The following FBXL7 variants were observed in gnomAD, a reference collection of about 807,000 sequenced individuals.
The protein encoded by FBXL7 is F-box and leucine rich repeat protein 7.
Under a neutral mutation model 38.3 loss-of-function variants are expected in FBXL7, and 12 were observed. The ratio of observed to expected loss-of-function variants is 0.31; its 90% CI spans 0.20 to 0.51. FBXL7 has a LOEUF of 0.51. FBXL7 is among the 20% of genes least tolerant of loss of function. The probability of loss-of-function intolerance (pLI) is 0.98; values close to 1 mark genes in which losing one functional copy is unlikely to be tolerated. For synonymous variants in FBXL7, 297 were observed against 300.9 expected (o/e 0.99, Z 0.13); for missense variants, 567 against 676.4 (o/e 0.84, Z 1.79).
At chr5:15,559,493 C>T (rs542568439) in intron 1 of FBXL7, among the ~76,000 whole-genome samples, 9 of 152,252 alleles carry the variant, frequency 5.9e-5, no homozygotes, top group Non-Finnish European at 1.0e-4. Context: ...GGAGAAATGG[C>T]ATCAGAGAAC....
At chr5:15,739,994 A>G (rs1053213364) in intron 2 of FBXL7, among the ~76,000 whole-genome samples, 1 of 152,158 alleles carries the variant, frequency 6.6e-6, no homozygotes, top group Admixed American at 6.5e-5. Flanking sequence ...GCTCAATTTT[A>G]TATTCCTTTC....
intron 2 of FBXL7, among the ~76,000 whole-genome samples, chr5:15,903,358 A>C (rs1397708015): frequency 2.0e-5 from 3 of 152,148 alleles, no homozygotes; most frequent in Admixed American, 2.0e-4. Flanking sequence ...ATTCTGGCAC[A>C]TTGTCTCCAG....
intron 1 of FBXL7, among the ~76,000 whole-genome samples, chr5:15,601,175 C>T (rs1258985296): frequency 6.6e-6 from 1 of 152,186 alleles, no homozygotes; most frequent in Non-Finnish European, 1.5e-5. Flanking sequence ...TTCTAAGGTG[C>T]TCCCAGATTG....
chr5:15,608,699 C>T (rs758769944), intron 1 of FBXL7, among the ~76,000 whole-genome samples: 2 of 152,180 alleles, frequency 1.3e-5, no homozygotes, highest in Non-Finnish European at 2.9e-5. Flanking sequence ...AGAAATTCTG[C>T]CACAATCCTG....
At chr5:15,883,706 A>AT (rs1222030899) in intron 2 of FBXL7, among the ~76,000 whole-genome samples, 1 of 152,082 alleles carries the variant, frequency 6.6e-6, no homozygotes, top group African/African-American at 2.4e-5. Context: ...TCTGGAGACA[A>AT]TTTTTTCAGT....
intron 2 of FBXL7, among the ~76,000 whole-genome samples, chr5:15,642,801 C>T (rs1398416027): frequency 6.6e-6 from 1 of 152,162 alleles, no homozygotes; most frequent in Non-Finnish European, 1.5e-5. Flanking sequence ...TCTCACATTC[C>T]TAGTCTCCTA....
At chr5:15,676,933 T>C (rs1221535487) in intron 2 of FBXL7, among the ~76,000 whole-genome samples, 1 of 152,238 alleles carries the variant, frequency 6.6e-6, no homozygotes, top group Middle Eastern at 3.2e-3. Flanking sequence ...CCTGCCATTT[T>C]ATATTCTTTG....
At chr5:15,767,930 T>C (rs760790626) in intron 2 of FBXL7, among the ~76,000 whole-genome samples, 11 of 152,242 alleles carry the variant, frequency 7.2e-5, no homozygotes, top group Non-Finnish European at 1.2e-4. Context: ...ACATTTTTAA[T>C]ACTTTTTGTT....
Position 15,506,497 on chromosome 5 carries a change from G to C in FBXL7, c.37+5784G>C, listed in dbSNP as rs75447392. 2.3e-3 allele frequency among the ~76,000 whole-genome samples: 353 copies of C among 152,270 alleles called. 2 individuals are homozygous for C. Among genetic ancestry groups the C allele is most frequent in the African/African-American group, 7.6e-3 (315 of 41,548 alleles). On this transcript the variant is annotated intron_variant, in intron 1 of 3. Coordinates refer to ENST00000504595, the MANE Select transcript of FBXL7 (RefSeq NM_012304.5). ...GAACAGTAAAACTATGGATAAGGGG[G>C]ACTTCTGTACAGTTTATGCTTGTCT... is the stretch of plus-strand genomic sequence containing the variant.
chr5:15,723,355 A>G (rs749147232), intron 2 of FBXL7, among the ~76,000 whole-genome samples: 14 of 152,344 alleles, frequency 9.2e-5, no homozygotes, highest in Non-Finnish European at 1.8e-4. Context: ...AGCTATAGAC[A>G]TGATATAATG....
chr5:15,731,327 C>T (rs1454172681), intron 2 of FBXL7, among the ~76,000 whole-genome samples: 1 of 152,156 alleles, frequency 6.6e-6, no homozygotes, highest in African/African-American at 2.4e-5. Context: ...GGGCATAAGT[C>T]ACATCTTACA....
chr5:15,887,784 TTG>T (rs779029530), intron 2 of FBXL7, among the ~76,000 whole-genome samples: 5 of 152,208 alleles, frequency 3.3e-5, no homozygotes, highest in Non-Finnish European at 5.9e-5. Context: ...CTCAAGAAGC[TTG>T]GCTGTGCATT....
At chr5:15,588,367 G>GCAAA (rs1386943742) in intron 1 of FBXL7, among the ~76,000 whole-genome samples, 1 of 151,700 alleles carries the variant, frequency 6.6e-6, no homozygotes, top group Non-Finnish European at 1.5e-5. Flanking sequence ...GTGGCACATG[G>GCAAA]CAAAAGCTAT....
Position 15,936,783 on chromosome 5 carries a change from C to T in FBXL7, c.1073C>T (p.Ala358Val). The T allele has an allele frequency of 6.2e-7, 1 of 1,611,736 alleles. No individual in the cohort carries two copies. The highest frequency in any genetic ancestry group is 8.5e-7 in the Non-Finnish European group (1 of 1,179,380). Reference protein sequence around the residue: ...LESRLRYLSIAHCGRVTDVGI... With the variant: ...LESRLRYLSIVHCGRVTDVGI... Reference sequence around the variant, plus strand: ...TCCCGCCTGCGGTACCTGAGCATCGCGCACTGCGGCCGGGTCACCGACGTG... The same window carrying T: ...TCCCGCCTGCGGTACCTGAGCATCGTGCACTGCGGCCGGGTCACCGACGTG... Residue 358 changes from alanine (A) to valine (V), a missense_variant, in exon 4 of 4, where the codon GCG becomes GTG. Ala to Val is a moderately conservative substitution (Grantham distance 64, BLOSUM62 0). Coordinates refer to ENST00000504595, the MANE Select transcript of FBXL7 (RefSeq NM_012304.5). The surrounding 1 kb of genome is among the most constrained non-coding windows in gnomAD (Gnocchi z 6.0).
chr5:15,666,777 C>G (rs547755565), intron 2 of FBXL7, among the ~76,000 whole-genome samples: 3 of 152,284 alleles, frequency 2.0e-5, no homozygotes, highest in Non-Finnish European at 2.9e-5. Context: ...GCAATATTTA[C>G]CTATTTTTGT....
chr5:15,786,523 G>C (rs905837), intron 2 of FBXL7, among the ~76,000 whole-genome samples: 17,242 of 152,126 alleles, frequency 0.11, 1,166 homozygotes, highest in African/African-American at 0.18. Flanking sequence ...TACTTGCAGT[G>C]CCAACTGCCT....
At chr5:15,866,418 A>G (rs1739712075) in intron 2 of FBXL7, among the ~76,000 whole-genome samples, 1 of 152,230 alleles carries the variant, frequency 6.6e-6, no homozygotes, top group South Asian at 2.1e-4. Flanking sequence ...GAATACAGTA[A>G]TATAACACAT....
At chr5:15,580,534 C>A in intron 1 of FBXL7, 1 of 736,010 alleles carries the variant, frequency 1.4e-6, no homozygotes, top group Non-Finnish European at 1.7e-6. Context: ...AGTCTCTGTT[C>A]CTGGATAAGC....
chr5:15,680,005 C>A (rs1742792660), intron 2 of FBXL7, among the ~76,000 whole-genome samples: 1 of 152,168 alleles, frequency 6.6e-6, no homozygotes, highest in Non-Finnish European at 1.5e-5. Flanking sequence ...AAGGTTAGAT[C>A]ACCAAAGTTA....
Sources: allele counts gnomAD v4.1 joint callset (sites outside exome capture counted in the v4.1 genomes callset), GRCh38; gene constraint gnomAD v4.1.1; non-coding constraint Gnocchi (gnomAD v3.1); transcripts MANE v1.5; gene names NCBI Gene and HGNC (gene_info 2026-07-23, HGNC 2026-07-21).